PTPRM: variants seen among roughly 807,000 people sequenced by gnomAD.
The protein encoded by PTPRM is receptor-type tyrosine-protein phosphatase mu.
In PTPRM, 47 loss-of-function variants were observed where a neutral mutation model predicts 186.7. That is an observed-to-expected ratio of 0.25 (90% CI 0.20 to 0.32). The LOEUF (loss-of-function observed/expected upper bound fraction) is 0.32, where lower values mean the gene tolerates loss of function less well. Among genes scored for constraint, PTPRM ranks in the 10% least tolerant of loss-of-function variants. The pLI is 1.00. For missense variants in PTPRM, 1,494 were observed against 1,865.0 expected, an observed-to-expected ratio of 0.80 and a Z score of 3.66; for synonymous variants, 668 against 674.9, an observed-to-expected ratio of 0.99 and a Z score of 0.16.
chr18:7,739,225 A>T (rs960038394), intron 1 of PTPRM, among the ~76,000 whole-genome samples: 1 of 152,134 alleles, frequency 6.6e-6, no homozygotes, highest in African/African-American at 2.4e-5. Flanking sequence ...TCAAATGCCA[A>T]ACCACAGTAA....
chr18:8,164,880 T>C (rs2146380553), intron 14 of PTPRM, among the ~76,000 whole-genome samples: 1 of 116,698 alleles, frequency 8.6e-6, no homozygotes, highest in South Asian at 3.6e-4. Flanking sequence ...ATAAATATCT[T>C]CTAAGGCCAG....
intron 1 of PTPRM, among the ~76,000 whole-genome samples, chr18:7,732,190 T>C (rs16952467): frequency 0.049 from 7,492 of 152,220 alleles, 470 homozygotes; most frequent in East Asian, 0.13. Context: ...AATGTGGCAA[T>C]GAAGGTTCAA....
chr18:7,820,671 G>A (rs981783189), intron 2 of PTPRM, among the ~76,000 whole-genome samples: 1 of 152,096 alleles, frequency 6.6e-6, no homozygotes, highest in Non-Finnish European at 1.5e-5. Flanking sequence ...TCCCTGGAAG[G>A]TTCCAGGCCT....
chr18:8,212,270 G>A (rs953991904), intron 14 of PTPRM, among the ~76,000 whole-genome samples: 2 of 152,170 alleles, frequency 1.3e-5, no homozygotes, highest in African/African-American at 4.8e-5. Flanking sequence ...GCAGGTCCAA[G>A]GAGAGAATGT....
Position 7,897,186 on chromosome 18 carries a change from T to C in PTPRM, c.468+8809T>C, listed in dbSNP as rs116040752. Among the ~76,000 whole-genome samples the C allele has an allele frequency of 3.7e-3, 567 of 152,316 alleles. 2 individuals are homozygous for C. The highest frequency in any genetic ancestry group is 0.013 in the African/African-American group (550 of 41,576). On this transcript the variant is annotated intron_variant, in intron 3 of 32. Coordinates refer to ENST00000580170, the MANE Select transcript of PTPRM (RefSeq NM_001105244.2). ...CCATTTCGGAGGCTAGGAGTGTTTT[T>C]GAATCTCCGGGAAGGACACATGGTG...
chr18:8,020,321 C>G (rs2085132144), intron 7 of PTPRM, among the ~76,000 whole-genome samples: 1 of 151,994 alleles, frequency 6.6e-6, no homozygotes, highest in Admixed American at 6.6e-5. Flanking sequence ...ACTCGCAGGT[C>G]AGTATGGGTA....
At chr18:8,230,036 G>A (rs144867074) in intron 14 of PTPRM, among the ~76,000 whole-genome samples, 7 of 152,230 alleles carry the variant, frequency 4.6e-5, no homozygotes, top group Admixed American at 1.3e-4. Flanking sequence ...ACCCATACCC[G>A]TTTCTCACTT....
chr18:7,922,840 A>G (rs1326594531), intron 4 of PTPRM, among the ~76,000 whole-genome samples: 3 of 152,190 alleles, frequency 2.0e-5, no homozygotes, highest in South Asian at 2.1e-4. Context: ...TCTTAGCATT[A>G]TATGTAGTGG....
At chr18:8,038,209 A>T (rs76636306) in intron 7 of PTPRM, among the ~76,000 whole-genome samples, 10,985 of 152,020 alleles carry the variant, frequency 0.072, 513 homozygotes, top group Middle Eastern at 0.27. Context: ...TTACCCCTGA[A>T]ATGGACTTGA....
At chr18:8,203,116 G>A (rs530574976) in intron 14 of PTPRM, among the ~76,000 whole-genome samples, 187 of 152,258 alleles carry the variant, frequency 1.2e-3, no homozygotes, top group Non-Finnish European at 2.0e-3. Flanking sequence ...GTATATCTAC[G>A]TAGTTGAGAT....
At chr18:7,859,243 A>C (rs1033288694) in intron 2 of PTPRM, among the ~76,000 whole-genome samples, 1 of 152,204 alleles carries the variant, frequency 6.6e-6, no homozygotes, top group Non-Finnish European at 1.5e-5. Context: ...ATTAATGTAT[A>C]TGTTGTGCTG....
chr18:8,394,701 T>TA, intron 32 of PTPRM, 90 bp downstream of exon 32: 1 of 1,329,278 alleles, frequency 7.5e-7, no homozygotes. Context: ...AACTGATGCG[T>TA]AGAGGAAGAG....
intron 2 of PTPRM, chr18:7,815,737 C>T (rs777706677): frequency 6.6e-6 from 1 of 151,774 alleles, no homozygotes; most frequent in Non-Finnish European, 1.5e-5. Context: ...GAAATAGAGG[C>T]CTAGTATTTG....
At position 8,113,685 on chromosome 18, in the gene PTPRM, G is replaced by C. The variant is rs751476599; in HGVS notation, c.2056G>C (p.Gly686Arg). The part of the protein sequence containing the change: ...FTIGDNKTYN[G>R]YWNTPLLPYK... ...AATTGGTGATAATAAGACATATAAT[G>C]GATACTGGAACACTCCCCTTCTCCC... Residue 686 changes from glycine to arginine, a missense_variant, in exon 12 of 33, where the codon GGA becomes CGA. By Grantham distance (125) the Gly-to-Arg change is moderately radical. Coordinates refer to ENST00000580170, the MANE Select transcript of PTPRM (RefSeq NM_001105244.2). 4 of 1,613,558 alleles carry C rather than the reference G, an allele frequency of 2.5e-6. No individual in the cohort carries two copies. The highest frequency in any genetic ancestry group is 3.4e-6 in the Non-Finnish European group (4 of 1,179,608).
chr18:8,288,111 A>G (rs2094977669), intron 19 of PTPRM, among the ~76,000 whole-genome samples: 1 of 152,162 alleles, frequency 6.6e-6, no homozygotes, highest in African/African-American at 2.4e-5. Flanking sequence ...ACACATAGAA[A>G]CCCTTTGGTC....
chr18:8,189,194 G>A (rs2093678857), intron 14 of PTPRM, among the ~76,000 whole-genome samples: 1 of 151,754 alleles, frequency 6.6e-6, no homozygotes, highest in African/African-American at 2.4e-5. Context: ...CTACTCAGGA[G>A]GCTGAGGCAG....
chr18:8,220,243 G>A (rs2147063160), intron 14 of PTPRM, among the ~76,000 whole-genome samples: 1 of 152,344 alleles, frequency 6.6e-6, no homozygotes, highest in South Asian at 2.1e-4. Context: ...GAAACTATGA[G>A]TGATGACTTC....
chr18:8,149,003 G>A (rs1283460993), intron 14 of PTPRM, among the ~76,000 whole-genome samples: 1 of 152,184 alleles, frequency 6.6e-6, no homozygotes, highest in Non-Finnish European at 1.5e-5. Context: ...TGATTGCACT[G>A]TGGTCTGAGA....
intron 7 of PTPRM, among the ~76,000 whole-genome samples, chr18:8,065,159 G>A (rs1248916005): frequency 1.3e-5 from 2 of 152,154 alleles, no homozygotes; most frequent in South Asian, 2.1e-4. Flanking sequence ...AAAAAGCACT[G>A]TAGTAGTAAT....
Sources: gnomAD v4.1 joint callset for allele counts (sites outside exome capture counted in the v4.1 genomes callset) on GRCh38, gnomAD v4.1.1 for gene constraint, MANE v1.5 for transcripts, NCBI Gene and HGNC (gene_info 2026-07-23, HGNC 2026-07-21) for gene names.